The following WASHC5 variants were observed in gnomAD, a reference collection of about 807,000 sequenced individuals.
WASHC5 encodes WASH complex subunit 5, also known as WASH complex subunit strumpellin.
A neutral mutation model predicts 150.4 loss-of-function variants in WASHC5; 101 were observed. The observed-to-expected ratio is 0.67, with a 90% CI of 0.57 to 0.79. The LOEUF (loss-of-function observed/expected upper bound fraction) is 0.79, where lower values mean the gene tolerates loss of function less well. Among genes scored for constraint, WASHC5 ranks in the 30% least tolerant of loss-of-function variants. WASHC5 has a pLI of 0.00. For synonymous variants in WASHC5, 467 were observed against 491.2 expected, an observed-to-expected ratio of 0.95 and a Z score of 0.65; for missense variants, 1,195 against 1,396.3, an observed-to-expected ratio of 0.86 and a Z score of 2.30.
chr8:125,044,417 T>C (rs1815994115), intron 21 of WASHC5, 119 bp downstream of exon 21: 10 of 1,136,672 alleles, frequency 8.8e-6, no homozygotes, highest in Non-Finnish European at 1.3e-5. Context: ...ATCATATGCC[T>C]AAAGTCAGTG....
At chr8:125,066,508 G>A (rs952679451) in intron 10 of WASHC5, among the ~76,000 whole-genome samples, 2 of 152,122 alleles carry the variant, frequency 1.3e-5, no homozygotes, top group Non-Finnish European at 2.9e-5. Context: ...GCCCATACAG[G>A]CTTCTTCAGA....
In WASHC5 at chr8:125,076,448, G is replaced by A. The variant is rs749673994; in HGVS notation, c.764C>T (p.Ala255Val). The change falls in exon 7 of 29, where the codon GCT (alanine) becomes GTT (valine). Residue 255 changes from alanine to valine, a missense_variant. Coordinates refer to ENST00000318410, the MANE Select transcript of WASHC5 (RefSeq NM_014846.4). The stretch of plus-strand genomic sequence containing the variant: ...GTAGAGAATCACGTACAGCATGGCA[G>A]CTTGGTTTGCCAGGGCTGTGCTGCG... ...EHRSTALANQAAMLYVILYFE... is the reference protein window; with the variant it reads ...EHRSTALANQVAMLYVILYFE... 6.2e-7 allele frequency: 1 copy of A among 1,614,052 alleles called. No individual in the cohort carries two copies. The highest frequency in any genetic ancestry group is 8.5e-7 in the Non-Finnish European group (1 of 1,179,976).
intron 20 of WASHC5, among the ~76,000 whole-genome samples, chr8:125,045,314 G>A (rs958591408): frequency 2.0e-5 from 3 of 152,186 alleles, no homozygotes; most frequent in Non-Finnish European, 2.9e-5. Context: ...GGTGCTGTGT[G>A]TGCTAAGACC....
chr8:125,067,734 AGT>A lies in WASHC5; in HGVS notation c.1151-17_1151-16del. On this transcript the variant is annotated splice_polypyrimidine_tract_variant and intron_variant, in intron 9 of 28. Coordinates refer to ENST00000318410, the MANE Select transcript of WASHC5 (RefSeq NM_014846.4). Reference sequence around the variant, plus strand: ...TGGGTCACAGGCTAGAAACAGGAAAAGTGTTACCTGCTTACTAAATGTGTAGA... The same window carrying A: ...TGGGTCACAGGCTAGAAACAGGAAAAGTTACCTGCTTACTAAATGTGTAGA... The A allele has an allele frequency of 6.2e-7, 1 of 1,612,774 alleles. No individual in the cohort carries two copies.
chr8:125,088,448 G>C (rs559895555), intron 1 of WASHC5, among the ~76,000 whole-genome samples: 10 of 151,140 alleles, frequency 6.6e-5, no homozygotes, highest in Non-Finnish European at 1.5e-4. Flanking sequence ...GGGGAGGGGG[G>C]GAAGGAAATA....
chr8:125,037,709 GAA>G (rs1477080463), intron 25 of WASHC5, among the ~76,000 whole-genome samples: 1 of 152,046 alleles, frequency 6.6e-6, no homozygotes, highest in Non-Finnish European at 1.5e-5. Flanking sequence ...GTGGGAGAGA[GAA>G]GAGAGAGAGA....
At chr8:125,059,074 G>A (rs1816503638) in intron 14 of WASHC5, 148 bp downstream of exon 14, 1 of 689,542 alleles carries the variant, frequency 1.5e-6, no homozygotes, top group Non-Finnish European at 2.6e-6. Flanking sequence ...TGCTCTCGTG[G>A]AAAAACTGCT....
chr8:125,024,572 G>A lies in WASHC5; in HGVS notation c.*45C>T, dbSNP rs779502501. 2.9e-6 allele frequency: 4 copies of A among 1,360,720 alleles called. No homozygotes were observed. Among genetic ancestry groups the A allele is most frequent in the Non-Finnish European group, 2.1e-6 (2 of 948,986 alleles). The allele number at this position is 1,360,720 out of a possible 1,614,324, so 84.3% of individuals were successfully genotyped here. On this transcript the variant is annotated 3_prime_UTR_variant, in exon 29 of 29. Transcript: ENST00000318410. ...TCTTCAAATTCATTTGTGATGGTGG[G>A]AAGATCTAAGGACAATCCTTCCATT...
rs1060504698 is a variant in WASHC5 at position 125,083,803 on chromosome 8, G to C, written c.96C>G (p.Leu32=). The C allele has an allele frequency of 6.2e-7, 1 of 1,613,808 alleles. No individual in the cohort carries two copies. The highest frequency in any genetic ancestry group is 8.5e-7 in the Non-Finnish European group (1 of 1,179,764). The part of the protein sequence containing the change: ...GNAIIAELLR[L]SEFIPAVFRL... ...TGAACACAGCAGGAATAAACTCAGA[G>C]AGTCTCAAAAGTTCAGCAATGATGG... The change falls in exon 2 of 29, where the codon CTC becomes CTG. Residue 32 remains leucine (L), a synonymous_variant. Transcript: ENST00000318410.
chr8:125,038,978 T>C lies in WASHC5; in HGVS notation c.2955-19A>G, dbSNP rs1165513653. ...GAGAGCCCTAAAGGAAGAAAAACCC[T>C]GGAGATAAACATTAGTGAGTAAATG... is the stretch of plus-strand genomic sequence containing the variant. On this transcript the variant is annotated intron_variant, in intron 24 of 28. Coordinates refer to ENST00000318410, the MANE Select transcript of WASHC5 (RefSeq NM_014846.4). 1.9e-6 allele frequency: 3 copies of C among 1,612,002 alleles called. No individual in the cohort carries two copies. The highest frequency in any genetic ancestry group is 2.5e-6 in the Non-Finnish European group (3 of 1,178,504).
intron 1 of WASHC5, among the ~76,000 whole-genome samples, chr8:125,086,635 A>G (rs555709122): frequency 2.0e-5 from 3 of 152,238 alleles, no homozygotes; most frequent in Admixed American, 1.3e-4. Flanking sequence ...AACTCAGCTC[A>G]TAACAGCTTG....
At chr8:125,056,226 A>G (rs1816399993) in intron 16 of WASHC5, among the ~76,000 whole-genome samples, 1 of 152,140 alleles carries the variant, frequency 6.6e-6, no homozygotes, top group African/African-American at 2.4e-5. Flanking sequence ...GCTCAGGGAG[A>G]AAAAAACCAG....
intron 25 of WASHC5, among the ~76,000 whole-genome samples, 169 bp from the exon 26 acceptor site, chr8:125,037,502 T>C (rs1014976115): frequency 7.2e-5 from 11 of 152,232 alleles, no homozygotes; most frequent in Admixed American, 2.0e-4. Context: ...TTAACACACC[T>C]GGCCCTGGCC....
At chr8:125,062,581 T>C (rs1023014107) in intron 11 of WASHC5, among the ~76,000 whole-genome samples, 1 of 152,198 alleles carries the variant, frequency 6.6e-6, no homozygotes, top group African/African-American at 2.4e-5. Flanking sequence ...TTCTAGTTTA[T>C]ATCACATCGT....
At chr8:125,031,027 A>C (rs1440718694) in intron 27 of WASHC5, among the ~76,000 whole-genome samples, 1 of 152,220 alleles carries the variant, frequency 6.6e-6, no homozygotes, top group African/African-American at 2.4e-5. Flanking sequence ...ATCCAGAGAC[A>C]CAGGTTCTAA....
chr8:125,079,112 G>GTATATATATATATATA (rs1375247588), intron 5 of WASHC5, among the ~76,000 whole-genome samples, 182 bp from the exon 6 acceptor site: 9 of 48,406 alleles, frequency 1.9e-4, no homozygotes, highest in African/African-American at 4.9e-4. Context: ...ATGTGTGTGT[G>GTATATATATATATATA]TGTGTATATA....
intron 28 of WASHC5, among the ~76,000 whole-genome samples, chr8:125,027,583 A>AT (rs1188550330): frequency 6.6e-6 from 1 of 152,216 alleles, no homozygotes; most frequent in Non-Finnish European, 1.5e-5. Context: ...ACGCAAAGGC[A>AT]TAAGAATTAT....
intron 25 of WASHC5, 48 bp downstream of exon 25, chr8:125,038,782 T>G: frequency 1.2e-6 from 2 of 1,609,856 alleles, no homozygotes; most frequent in Non-Finnish European, 1.7e-6. Flanking sequence ...CTGGGCCAAA[T>G]ACCATTCTGT....
At position 125,087,048 on chromosome 8, in the gene WASHC5, T is replaced by C. The variant is rs772951364; in HGVS notation, c.-124-3026A>G. Among the ~76,000 whole-genome samples, 112 of 152,218 alleles carry C rather than the reference T, an allele frequency of 7.4e-4. 5 individuals are homozygous for C. Among genetic ancestry groups the C allele is most frequent in the Non-Finnish European group, 5.9e-5 (4 of 68,036 alleles). The stretch of plus-strand genomic sequence containing the variant: ...TCCCAATTCCTAATGCACAGGATCA[T>C]GATAAATTTTTAACATATTGTATTG... On this transcript the variant is annotated intron_variant, in intron 1 of 28. Transcript: ENST00000318410.
Sources: gnomAD v4.1 joint callset for allele counts (sites outside exome capture counted in the v4.1 genomes callset) on GRCh38, gnomAD v4.1.1 for gene constraint, MANE v1.5 for transcripts, NCBI Gene and HGNC (gene_info 2026-07-23, HGNC 2026-07-21) for gene names.